Variants in SESTD1 observed in about 807,000 individuals in gnomAD.
The protein encoded by SESTD1 is SEC14 domain and spectrin repeat-containing protein 1.
Under a neutral mutation model 101.7 loss-of-function variants are expected in SESTD1, and 43 were observed. The observed-to-expected ratio is 0.42, with a 90% CI of 0.33 to 0.55. The LOEUF is 0.55. SESTD1 is among the 20% of genes least tolerant of loss of function. SESTD1 has a pLI of 0.07. For missense variants in SESTD1, 647 were observed against 815.1 expected (o/e 0.79, Z 2.51); for synonymous variants, 283 against 286.8 (o/e 0.99, Z 0.13).
chr2:179,229,879 CA>C (rs111918638), intron 1 of SESTD1, among the ~76,000 whole-genome samples: 3,819 of 147,440 alleles, frequency 0.026, 78 homozygotes, highest in Admixed American at 0.034. Context: ...ATCCAACAAA[CA>C]AACCAAACTG....
intron 11 of SESTD1, 50 bp from the exon 12 acceptor site, chr2:179,123,879 A>C (rs1553517109): frequency 1.5e-6 from 2 of 1,364,114 alleles, no homozygotes; most frequent in Admixed American, 3.4e-5. Flanking sequence ...TCAGCATCTA[A>C]AGTGTTTAAT....
At chr2:179,185,637 C>T (rs2046206643) in intron 2 of SESTD1, among the ~76,000 whole-genome samples, 1 of 122,536 alleles carries the variant, frequency 8.2e-6, no homozygotes, top group South Asian at 2.4e-4. Flanking sequence ...TATAATATAG[C>T]ATATTATATA....
At chr2:179,191,711 C>G (rs2046322756) in intron 2 of SESTD1, 76 bp downstream of exon 2, 2 of 1,192,528 alleles carry the variant, frequency 1.7e-6, no homozygotes, top group Non-Finnish European at 2.4e-6. Context: ...AAAAATGCAT[C>G]TGTCATACTT....
At chr2:179,244,904 A>C (rs1294502573) in intron 1 of SESTD1, among the ~76,000 whole-genome samples, 1 of 152,224 alleles carries the variant, frequency 6.6e-6, no homozygotes, top group South Asian at 2.1e-4. Flanking sequence ...AAGAGCCATA[A>C]AGGAGGTAAG....
chr2:179,154,867 T>C (rs1022214658), intron 5 of SESTD1, among the ~76,000 whole-genome samples: 1 of 152,186 alleles, frequency 6.6e-6, no homozygotes, highest in Non-Finnish European at 1.5e-5. Context: ...AAAACTTGAC[T>C]GTATATTAGT....
chr2:179,106,048 C>T lies in SESTD1; in HGVS notation c.*3851G>A, dbSNP rs562434620. The stretch of plus-strand genomic sequence containing the variant: ...ATATACCAGCATAGTATATTTTCTA[C>T]TCCCAACTGAAGCTTTTCATTTTTA... On this transcript the variant is annotated 3_prime_UTR_variant, in exon 18 of 18. Coordinates refer to ENST00000428443, the MANE Select transcript of SESTD1 (RefSeq NM_178123.5). 6.6e-6 allele frequency: 1 copy of T among 152,188 alleles called. No individual in the cohort carries two copies. The highest frequency in any genetic ancestry group is 1.5e-5 in the Non-Finnish European group (1 of 68,026). 9.4% of individuals were successfully genotyped at this position (152,188 alleles called of 1,614,324 possible). A position where few individuals can be genotyped will look rare whatever the true frequency, so the allele number is the denominator to read the frequency against.
At chr2:179,244,310 T>C (rs1029183406) in intron 1 of SESTD1, among the ~76,000 whole-genome samples, 5 of 151,674 alleles carry the variant, frequency 3.3e-5, no homozygotes, top group Non-Finnish European at 5.9e-5. Context: ...ATACAAAAAA[T>C]TAGCCAGGCA....
chr2:179,211,707 G>A (rs2046653362), intron 1 of SESTD1, among the ~76,000 whole-genome samples: 1 of 134,274 alleles, frequency 7.4e-6, no homozygotes, highest in Non-Finnish European at 1.6e-5. Flanking sequence ...GGCATTTACA[G>A]CAACCTGGAT....
chr2:179,164,749 G>T (rs1157787725), intron 5 of SESTD1, among the ~76,000 whole-genome samples: 2 of 152,136 alleles, frequency 1.3e-5, no homozygotes, highest in Non-Finnish European at 1.5e-5. Flanking sequence ...AAAAAATTTA[G>T]AAAGTATCAT....
intron 1 of SESTD1, among the ~76,000 whole-genome samples, chr2:179,257,894 G>T (rs2047423272): frequency 6.6e-6 from 1 of 152,108 alleles, no homozygotes; most frequent in African/African-American, 2.4e-5. Context: ...GAACCCCATA[G>T]AATGATCAAA....
intron 1 of SESTD1, among the ~76,000 whole-genome samples, chr2:179,254,457 T>G (rs185102760): frequency 6.6e-6 from 1 of 152,322 alleles, no homozygotes; most frequent in Non-Finnish European, 1.5e-5. Flanking sequence ...AAAACCTAAC[T>G]TTAAACTTAA....
intron 1 of SESTD1, among the ~76,000 whole-genome samples, chr2:179,215,903 C>T (rs1486929720): frequency 7.4e-6 from 1 of 135,028 alleles, no homozygotes; most frequent in Non-Finnish European, 1.6e-5. Flanking sequence ...ATGATTATAT[C>T]AACAGATGCA....
intron 9 of SESTD1, among the ~76,000 whole-genome samples, chr2:179,133,002 T>C (rs2045045765): frequency 6.6e-6 from 1 of 152,154 alleles, no homozygotes; most frequent in African/African-American, 2.4e-5. Flanking sequence ...AATTAAAAAC[T>C]AATTAGAATT....
intron 3 of SESTD1, among the ~76,000 whole-genome samples, chr2:179,177,516 C>A (rs1430158529): frequency 6.6e-6 from 1 of 152,106 alleles, no homozygotes; most frequent in Non-Finnish European, 1.5e-5. Context: ...CTTTACTAGT[C>A]CTCCTCTTCT....
intron 1 of SESTD1, among the ~76,000 whole-genome samples, chr2:179,243,961 T>TATATACAC (rs1281884209): frequency 6.9e-6 from 1 of 144,004 alleles, no homozygotes; most frequent in Non-Finnish European, 1.5e-5. Context: ...TATATATATA[T>TATATACAC]ACACACACAC....
chr2:179,132,246 C>T, intron 10 of SESTD1, 58 bp downstream of exon 10: 1 of 1,486,806 alleles, frequency 6.7e-7, no homozygotes, highest in Non-Finnish European at 8.9e-7. Flanking sequence ...ACCACATATG[C>T]TACTAATTAC....
chr2:179,110,088 A>C lies in SESTD1; in HGVS notation c.1962-60T>G, dbSNP rs529944466. On this transcript the variant is annotated intron_variant, in intron 17 of 17. Transcript: ENST00000428443. ...AATACAAATCTATTAACTGCAGTGAATACAAATAGAAGCAAAAATTTACCA... is the reference window on the plus strand; with the variant it reads ...AATACAAATCTATTAACTGCAGTGACTACAAATAGAAGCAAAAATTTACCA... 153 of 1,558,622 alleles carry C rather than the reference A, an allele frequency of 9.8e-5. 1 individual carries two copies. In the South Asian group the frequency reaches 1.8e-3, roughly 18 times the overall value.
chr2:179,142,082 G>C (rs1218591614), intron 9 of SESTD1, among the ~76,000 whole-genome samples: 1 of 152,148 alleles, frequency 6.6e-6, no homozygotes, highest in African/African-American at 2.4e-5. Context: ...CAATTGTGCA[G>C]GCCAATTCTG....
intron 11 of SESTD1, 123 bp from the exon 12 acceptor site, chr2:179,123,952 C>T: frequency 1.5e-6 from 1 of 680,732 alleles, no homozygotes. Context: ...TACACTGTTA[C>T]AAGACAAGGA....
Sources: gnomAD v4.1 joint callset for allele counts (sites outside exome capture counted in the v4.1 genomes callset) on GRCh38, gnomAD v4.1.1 for gene constraint, MANE v1.5 for transcripts, NCBI Gene and HGNC (gene_info 2026-07-23, HGNC 2026-07-21) for gene names.